The following NLRP8 variants were observed in gnomAD, a reference collection of about 807,000 sequenced individuals.
NLRP8 encodes NLR family pyrin domain containing 8, also known as NACHT, LRR and PYD domains-containing protein 8.
A neutral mutation model predicts 88.7 loss-of-function variants in NLRP8; 86 were observed. The ratio of observed to expected loss-of-function variants is 0.97; its 90% CI spans 0.81 to 1.16. NLRP8 has a LOEUF of 1.16. NLRP8 is among the 50% of genes most tolerant of loss of function. NLRP8 has a pLI of 0.00. For synonymous variants in NLRP8, 504 were observed against 494.6 expected (o/e 1.02, Z -0.25); for missense variants, 1,342 against 1,286.5 (o/e 1.04, Z -0.66).
Position 55,948,049 on chromosome 19 carries a change from C to A in NLRP8, c.147C>A (p.Ser49Arg). The change falls in exon 1 of 10, where the codon AGC (serine) becomes AGA (arginine). Residue 49 changes from serine to arginine, a missense_variant. Coordinates refer to ENST00000291971, the MANE Select transcript of NLRP8 (RefSeq NM_176811.2). Reference sequence around the variant, plus strand: ...TCATGCTGTACATGAGAAACGTGAGCCATGAGGAGCTACAACGGTTCAAGC... The same window carrying A: ...TCATGCTGTACATGAGAAACGTGAGACATGAGGAGCTACAACGGTTCAAGC... The A allele has an allele frequency of 1.2e-6, 2 of 1,614,092 alleles. No individual in the cohort carries two copies. The highest frequency in any genetic ancestry group is 1.7e-6 in the Non-Finnish European group (2 of 1,180,030).
chr19:55,956,184 T>G, intron 3 of NLRP8, 84 bp downstream of exon 3: 2 of 1,332,678 alleles, frequency 1.5e-6, no homozygotes, highest in Non-Finnish European at 2.1e-6. Flanking sequence ...GGGGTCAATC[T>G]GCAAACCTTT....
chr19:55,948,091 G>A lies in NLRP8; in HGVS notation c.189G>A (p.Glu63=). The change falls in exon 1 of 10, where the codon GAG becomes GAA. Residue 63 remains glutamate (E), a synonymous_variant. Transcript: ENST00000291971. ...GGTTCAAGCAGCTCTTACTGACTGA[G>A]CTCAGTACTGGCACCATGCCCATCA... 3.7e-6 allele frequency: 6 copies of A among 1,614,114 alleles called. No individual in the cohort carries two copies. The highest frequency in any genetic ancestry group is 5.1e-6 in the Non-Finnish European group (6 of 1,179,998).
At chr19:55,983,686 A>T (rs1308175066) in intron 9 of NLRP8, among the ~76,000 whole-genome samples, 1 of 151,870 alleles carries the variant, frequency 6.6e-6, no homozygotes, top group Non-Finnish European at 1.5e-5. Context: ...CAATAAGAAG[A>T]CAAATGGATA....
rs1165775867 is a variant in NLRP8 at position 55,988,442 on chromosome 19, G to GTATATATAA, written c.*530_*531insATATATAAT. 1 of 103,758 alleles carries GTATATATAA rather than the reference G, an allele frequency of 9.6e-6. No homozygotes were observed. The highest frequency in any genetic ancestry group is 3.9e-5 in the African/African-American group (1 of 25,328). 6.4% of individuals were successfully genotyped at this position (103,758 alleles called of 1,614,324 possible). A position where few individuals can be genotyped will look rare whatever the true frequency, so the allele number is the denominator to read the frequency against. On this transcript the variant is annotated 3_prime_UTR_variant, in exon 10 of 10. Transcript: ENST00000291971. ...TACACATAAATATATATATGTGTGT[G>GTATATATAA]TGTATATATATATATATATATATAT... is the stretch of plus-strand genomic sequence containing the variant.
intron 2 of NLRP8, among the ~76,000 whole-genome samples, chr19:55,954,204 C>T (rs539252347): frequency 1.3e-5 from 2 of 152,284 alleles, no homozygotes; most frequent in South Asian, 2.1e-4. Flanking sequence ...CTGAGAGAAT[C>T]GTGATGCTGC....
intron 4 of NLRP8, among the ~76,000 whole-genome samples, chr19:55,963,158 A>C (rs766147586): frequency 1.1e-3 from 164 of 151,464 alleles, no homozygotes; most frequent in Non-Finnish European, 1.8e-3. Flanking sequence ...GGACTACAGG[A>C]ATGCACCACC....
At position 55,953,494 on chromosome 19, in the gene NLRP8, CTTTCTTTCTTTA is replaced by C. The variant is rs1304502903; in HGVS notation, c.442+886_442+897del. ...TGTGTCTCTATTTCTTTCTTTCTTT[CTTTCTTTCTTTA>C]TTTTTTTTGAGACGGAGTCTCGCTC... is the stretch of plus-strand genomic sequence containing the variant. On this transcript the variant is annotated intron_variant, in intron 2 of 9. Coordinates refer to ENST00000291971, the MANE Select transcript of NLRP8 (RefSeq NM_176811.2). Among the ~76,000 whole-genome samples, 117 of 142,750 alleles carry C rather than the reference CTTTCTTTCTTTA, an allele frequency of 8.2e-4. 1 individual carries two copies. The highest frequency in any genetic ancestry group is 3.0e-3 in the African/African-American group (112 of 37,344). 93.6% of individuals were successfully genotyped at this position (142,750 alleles called of 152,430 possible).
intron 3 of NLRP8, among the ~76,000 whole-genome samples, chr19:55,957,114 A>G (rs191096663): frequency 2.6e-5 from 4 of 152,112 alleles, no homozygotes; most frequent in Non-Finnish European, 4.4e-5. Context: ...TTTGTGTATC[A>G]GAAGCTTTTG....
rs549437980 is a variant in NLRP8 at position 55,956,235 on chromosome 19, G to T, written c.2042+135G>T. The T allele has an allele frequency of 2.1e-5, 19 of 916,506 alleles. No homozygotes were observed. In the African/African-American group the frequency reaches 3.0e-4, roughly 14 times the overall value. The allele number at this position is 916,506 out of a possible 1,614,324, so 56.8% of individuals were successfully genotyped here. On this transcript the variant is annotated intron_variant, in intron 3 of 9. Transcript: ENST00000291971. ...GCCTAGTTTGCACAGTACTTCTGTTGCTTTGTTTTGTTTTGTTTTGTTTTT... is the reference window on the plus strand; with the variant it reads ...GCCTAGTTTGCACAGTACTTCTGTTTCTTTGTTTTGTTTTGTTTTGTTTTT...
At chr19:55,954,365 G>A in intron 2 of NLRP8, 136 bp from the exon 3 acceptor site, 1 of 873,626 alleles carries the variant, frequency 1.1e-6, no homozygotes, top group Non-Finnish European at 1.8e-6. Context: ...AGCAGTATCA[G>A]GAAAGGTTAT....
Position 55,988,440 on chromosome 19 carries a change from G to GTATATATATATATATATATATATATATA in NLRP8, c.*528_*529insATATATATATATATATATATATATATAT, listed in dbSNP as rs1445801696. Reference sequence around the variant, plus strand: ...TATACACATAAATATATATATGTGTGTGTGTATATATATATATATATATAT... The same window carrying GTATATATATATATATATATATATATATA: ...TATACACATAAATATATATATGTGTGTATATATATATATATATATATATATATATGTGTATATATATATATATATATAT... On this transcript the variant is annotated 3_prime_UTR_variant, in exon 10 of 10. Coordinates refer to ENST00000291971, the MANE Select transcript of NLRP8 (RefSeq NM_176811.2). The GTATATATATATATATATATATATATATA allele has an allele frequency of 9.9e-6, 1 of 100,560 alleles. No individual in the cohort carries two copies. Among genetic ancestry groups the GTATATATATATATATATATATATATATA allele is most frequent in the South Asian group, 3.1e-4 (1 of 3,196 alleles). 6.2% of individuals were successfully genotyped at this position (100,560 alleles called of 1,614,324 possible).
intron 5 of NLRP8, 38 bp downstream of exon 5, chr19:55,966,418 T>C: frequency 6.2e-7 from 1 of 1,600,316 alleles, no homozygotes; most frequent in Non-Finnish European, 8.5e-7. Flanking sequence ...GGAACCGGGG[T>C]ACCCGGATGG....
chr19:55,955,469 AAAG>A lies in NLRP8; in HGVS notation c.1416_1418del (p.Glu472del), dbSNP rs1450890768. ...GTGGCACAGGAAATGGGTGTTAGGTAAAGAAGATCTTGAGGAAGCCAAGCTGGA... is the reference window on the plus strand; with the variant it reads ...GTGGCACAGGAAATGGGTGTTAGGTAAAGATCTTGAGGAAGCCAAGCTGGA... On this transcript the variant is annotated inframe_deletion, in exon 3 of 10. Coordinates refer to ENST00000291971, the MANE Select transcript of NLRP8 (RefSeq NM_176811.2). 9 of 1,614,106 alleles carry A rather than the reference AAAG, an allele frequency of 5.6e-6. No individual in the cohort carries two copies. Among genetic ancestry groups the A allele is most frequent in the Admixed American group, 5.0e-5 (3 of 59,994 alleles).
rs764525969 is a variant in NLRP8, at chr19:55,987,927, C to G, written c.*14C>G. On this transcript the variant is annotated 3_prime_UTR_variant, in exon 10 of 10. Transcript: ENST00000291971. Reference sequence around the variant, plus strand: ...ATTAATCCTTAGGCCGTCCAGTCATCTTTCTCTGGGGCTTGATTGATCAGT... The same window carrying G: ...ATTAATCCTTAGGCCGTCCAGTCATGTTTCTCTGGGGCTTGATTGATCAGT... 6.3e-7 allele frequency: 1 copy of G among 1,584,616 alleles called. No homozygotes were observed. The highest frequency in any genetic ancestry group is 8.7e-7 in the Non-Finnish European group (1 of 1,153,176).
In NLRP8 at chr19:55,979,389, C is replaced by T; in HGVS notation, c.2877-5C>T. The T allele has an allele frequency of 3.1e-6, 5 of 1,613,224 alleles. No homozygotes were observed. The highest frequency in any genetic ancestry group is 4.2e-6 in the Non-Finnish European group (5 of 1,179,978). ...TGCTGTCTGCTGTCTGTTTCTGTGT[C>T]ACAGGCTGGAAAACTGCCTGTTCAC... On this transcript the variant is annotated splice_polypyrimidine_tract_variant and splice_region_variant and intron_variant, in intron 8 of 9. Transcript: ENST00000291971.
chr19:55,953,600 A>G (rs1263710912), intron 2 of NLRP8, among the ~76,000 whole-genome samples: 1 of 151,794 alleles, frequency 6.6e-6, no homozygotes, highest in African/African-American at 2.4e-5. Flanking sequence ...CCCAGGTTCA[A>G]GTGATTCTCC....
intron 6 of NLRP8, among the ~76,000 whole-genome samples, chr19:55,973,242 G>A (rs1161605555): frequency 6.6e-6 from 1 of 152,068 alleles, no homozygotes; most frequent in Non-Finnish European, 1.5e-5. Flanking sequence ...GGCCATTTGT[G>A]TATCTTTTAG....
Position 55,962,142 on chromosome 19 carries a change from A to G in NLRP8, c.2118A>G (p.Glu706=). Residue 706 remains glutamate, a synonymous_variant, in exon 4 of 10, where the codon GAA becomes GAG. Coordinates refer to ENST00000291971, the MANE Select transcript of NLRP8 (RefSeq NM_176811.2). The stretch of plus-strand genomic sequence containing the variant: ...TGTTTGCAACGAATGATAAGCTGGA[A>G]GTCCTGACTATGACCAACAGTGTTT... 6.2e-7 allele frequency: 1 copy of G among 1,614,214 alleles called. No individual in the cohort carries two copies. The highest frequency in any genetic ancestry group is 8.5e-7 in the Non-Finnish European group (1 of 1,180,022).
chr19:55,955,111 C>T lies in NLRP8; in HGVS notation c.1053C>T (p.Leu351=), dbSNP rs267605703. ...AGCCCTTGCTGAAATGTCCCTCTCTCGTAACCCTTCCGGGGTTTAATACGA... is the reference window on the plus strand; with the variant it reads ...AGCCCTTGCTGAAATGTCCCTCTCTTGTAACCCTTCCGGGGTTTAATACGA... The change falls in exon 3 of 10, where the codon CTC becomes CTT. Residue 351 remains leucine (L), a synonymous_variant. Transcript: ENST00000291971. The T allele has an allele frequency of 1.3e-5, 21 of 1,614,106 alleles. No homozygotes were observed. The highest frequency in any genetic ancestry group is 3.3e-5 in the South Asian group (3 of 91,080).
Sources: gnomAD v4.1 joint callset for allele counts (sites outside exome capture counted in the v4.1 genomes callset) on GRCh38, gnomAD v4.1.1 for gene constraint, MANE v1.5 for transcripts, NCBI Gene and HGNC (gene_info 2026-07-23, HGNC 2026-07-21) for gene names.